The following TAFA1 variants were observed in gnomAD, a reference collection of about 807,000 sequenced individuals.
TAFA1 encodes TAFA chemokine like family member 1, also known as chemokine-like protein TAFA-1.
A neutral mutation model predicts 18.5 loss-of-function variants in TAFA1; 4 were observed. The observed-to-expected ratio is 0.22, with a 90% confidence interval of 0.11 to 0.49. The LOEUF (loss-of-function observed/expected upper bound fraction) is 0.49. Among genes scored for constraint, TAFA1 ranks in the 20% least tolerant of loss-of-function variants. TAFA1 has a pLI of 0.98. For synonymous variants in TAFA1, 56 were observed against 55.2 expected (o/e 1.01, Z -0.06); for missense variants, 147 against 169.0 (o/e 0.87, Z 0.72).
chr3:68,360,531 C>T (rs1047056339), intron 2 of TAFA1, among the ~76,000 whole-genome samples: 13 of 151,748 alleles, frequency 8.6e-5, no homozygotes, highest in Non-Finnish European at 4.4e-5. Context: ...AGCGGCTACT[C>T]GGTGGTTATG....
intron 3 of TAFA1, among the ~76,000 whole-genome samples, chr3:68,427,486 A>G (rs779925310): frequency 3.9e-5 from 6 of 151,926 alleles, no homozygotes; most frequent in Non-Finnish European, 7.4e-5. Flanking sequence ...GGATACTGGT[A>G]CATTGCTATG....
intron 3 of TAFA1, among the ~76,000 whole-genome samples, chr3:68,455,379 A>T (rs962713848): frequency 1.3e-5 from 2 of 152,118 alleles, no homozygotes; most frequent in African/African-American, 2.4e-5. Flanking sequence ...TTCTCTAAAA[A>T]TGTTTCTATA....
rs143301112 is a variant in TAFA1 at position 68,128,445 on chromosome 3, A to C, written c.118+121701A>C. On this transcript the variant is annotated intron_variant, in intron 2 of 4. Transcript: ENST00000478136. ...ATTTCATTAAGTAGACAAGTAACTC[A>C]CAAGGGGACTATGAACAAGCTGATG... Among the ~76,000 whole-genome samples the C allele has an allele frequency of 1.6e-3, 242 of 152,344 alleles. 3 individuals carry two copies. The highest frequency in any genetic ancestry group is 0.013 in the East Asian group (69 of 5,186).
intron 2 of TAFA1, among the ~76,000 whole-genome samples, chr3:68,020,469 G>A (rs923347709): frequency 3.3e-5 from 5 of 152,122 alleles, no homozygotes; most frequent in African/African-American, 1.2e-4. Flanking sequence ...GCGATAATGT[G>A]TATTCTGTAA....
intron 2 of TAFA1, among the ~76,000 whole-genome samples, chr3:68,019,554 CTT>C (rs1342820429): frequency 2.0e-5 from 3 of 152,180 alleles, no homozygotes; most frequent in Admixed American, 6.5e-5. Flanking sequence ...CATGTTGAGA[CTT>C]TATAAATTAT....
upstream of TAFA1, among the ~76,000 whole-genome samples, chr3:68,000,100 T>C (rs139263457): frequency 4.6e-5 from 7 of 152,348 alleles, no homozygotes; most frequent in East Asian, 9.6e-4. Flanking sequence ...AAGCTACTTA[T>C]TTCTGTAAAG....
intron 2 of TAFA1, among the ~76,000 whole-genome samples, chr3:68,385,098 A>C (rs1396348703): frequency 6.6e-6 from 1 of 151,936 alleles, no homozygotes; most frequent in Non-Finnish European, 1.5e-5. Flanking sequence ...CTTGGGTAAG[A>C]TGGTTGCCCT....
At chr3:68,187,884 C>G (rs1217260227) in intron 2 of TAFA1, among the ~76,000 whole-genome samples, 1 of 151,906 alleles carries the variant, frequency 6.6e-6, no homozygotes, top group Non-Finnish European at 1.5e-5. Flanking sequence ...AGCATTGCGG[C>G]TTTAATTTGC....
intron 3 of TAFA1, among the ~76,000 whole-genome samples, chr3:68,509,057 C>G (rs1385788344): frequency 1.3e-5 from 2 of 152,012 alleles, no homozygotes; most frequent in Non-Finnish European, 1.5e-5. Flanking sequence ...CATTGGCCTC[C>G]AAGTGTTGAT....
rs149081386 is a variant in TAFA1 at position 68,541,689 on chromosome 3, A to G, written c.385-2797A>G. 1.6e-3 allele frequency among the ~76,000 whole-genome samples: 243 copies of G among 152,284 alleles called. 6 individuals carry two copies. The East Asian group carries it at 0.041, about 26-fold the overall frequency. ...AAAATAAAGTTGGGGAAACACACTC[A>G]GATTGTTAATAGCAACTGAGAGTTT... On this transcript the variant is annotated intron_variant, in intron 4 of 4. Transcript: ENST00000478136.
At position 68,368,625 on chromosome 3, in the gene TAFA1, T is replaced by A. The variant is rs145087771; in HGVS notation, c.119-48655T>A. On this transcript the variant is annotated intron_variant, in intron 2 of 4. Transcript: ENST00000478136. ...CTTTAATAGAAAAAGAAAACCATGA[T>A]GATTCTACTTATCTCCCCTATTCCC... Among the ~76,000 whole-genome samples, 496 of 152,220 alleles carry A rather than the reference T, an allele frequency of 3.3e-3. 4 individuals are homozygous for A. The highest frequency in any genetic ancestry group is 0.011 in the African/African-American group (471 of 41,538).
chr3:68,170,501 A>C (rs1458987907), intron 2 of TAFA1, among the ~76,000 whole-genome samples: 1 of 152,208 alleles, frequency 6.6e-6, no homozygotes, highest in Non-Finnish European at 1.5e-5. Flanking sequence ...TTTAAAGGAA[A>C]AACTGGGATA....
chr3:68,003,928 A>G (rs953829132), upstream of TAFA1, among the ~76,000 whole-genome samples: 4 of 152,198 alleles, frequency 2.6e-5, no homozygotes, highest in Non-Finnish European at 4.4e-5. Flanking sequence ...TGGTTAATTT[A>G]CTGGTAAAAA....
At chr3:68,199,399 A>C (rs1022576730) in intron 2 of TAFA1, among the ~76,000 whole-genome samples, 5 of 151,476 alleles carry the variant, frequency 3.3e-5, no homozygotes, top group African/African-American at 1.2e-4. Context: ...CTACAAAATA[A>C]TTTTCTGGGA....
At chr3:68,380,581 CTGTT>C (rs2069925908) in intron 2 of TAFA1, among the ~76,000 whole-genome samples, 1 of 152,152 alleles carries the variant, frequency 6.6e-6, no homozygotes, top group Admixed American at 6.5e-5. Flanking sequence ...TGAGAAGTGT[CTGTT>C]CATATCCTTC....
At chr3:68,218,309 A>G (rs1275383954) in intron 2 of TAFA1, among the ~76,000 whole-genome samples, 2 of 152,102 alleles carry the variant, frequency 1.3e-5, no homozygotes, top group Admixed American at 6.6e-5. Flanking sequence ...TTTTTATAGC[A>G]TGTTTTGATG....
intron 2 of TAFA1, among the ~76,000 whole-genome samples, chr3:68,214,735 T>C (rs1024221935): frequency 2.6e-5 from 4 of 152,108 alleles, no homozygotes; most frequent in African/African-American, 9.7e-5. Context: ...TTAACAGTTA[T>C]CATCAGCAAC....
At chr3:68,181,507 G>A (rs2066199813) in intron 2 of TAFA1, among the ~76,000 whole-genome samples, 1 of 152,088 alleles carries the variant, frequency 6.6e-6, no homozygotes, top group African/African-American at 2.4e-5. Context: ...TAAATTCAGG[G>A]TAACCAGTGG....
At chr3:68,072,743 G>C (rs1046743424) in intron 2 of TAFA1, among the ~76,000 whole-genome samples, 1 of 152,186 alleles carries the variant, frequency 6.6e-6, no homozygotes, top group Non-Finnish European at 1.5e-5. Flanking sequence ...GGGCTGTGGA[G>C]TTTGTGACAC....
Sources: allele counts gnomAD v4.1 joint callset (sites outside exome capture counted in the v4.1 genomes callset), GRCh38; gene constraint gnomAD v4.1.1; transcripts MANE v1.5; gene names NCBI Gene and HGNC (gene_info 2026-07-23, HGNC 2026-07-21).